RIPOR2: variants seen among roughly 807,000 people sequenced by gnomAD.
RIPOR2 encodes rho family-interacting cell polarization regulator 2.
In RIPOR2, 39 loss-of-function variants were observed where a neutral mutation model predicts 114.5. That is an observed-to-expected ratio of 0.34 (90% CI 0.26 to 0.44). RIPOR2 has a LOEUF of 0.44. Ranked by LOEUF, RIPOR2 falls within the 20% of genes least tolerant of loss-of-function variation. RIPOR2 has a pLI of 1.00. For missense variants in RIPOR2, 1,007 were observed against 1,255.1 expected, an observed-to-expected ratio of 0.80 and a Z score of 2.99; for synonymous variants, 445 against 484.4, an observed-to-expected ratio of 0.92 and a Z score of 1.07.
chr6:24,905,882 C>G (rs1344635706), intron 1 of RIPOR2, among the ~76,000 whole-genome samples: 1 of 152,160 alleles, frequency 6.6e-6, no homozygotes, highest in Non-Finnish European at 1.5e-5. Context: ...CAGAAGGAGA[C>G]AAGCTTGAAG....
chr6:24,869,464 C>T (rs1380999739), intron 5 of RIPOR2, among the ~76,000 whole-genome samples: 1 of 151,824 alleles, frequency 6.6e-6, no homozygotes, highest in Non-Finnish European at 1.5e-5. Flanking sequence ...ATTACAGGTG[C>T]CCGCCACCAT....
rs1765079691 is a variant in RIPOR2, at chr6:24,870,740, C to T, written c.447+126G>A. The T allele has an allele frequency of 6.2e-6, 4 of 647,334 alleles. No homozygotes were observed. In the East Asian group the frequency reaches 8.7e-5, roughly 14 times the overall value. The allele number at this position is 647,334 out of a possible 1,614,324, so 40.1% of individuals were successfully genotyped here. A position where few individuals can be genotyped will look rare whatever the true frequency, so the allele number is the denominator to read the frequency against. ...CATTGCCCAGGCAGGTCTCAAACTC[C>T]TAAGCTCAAGTGATCCACCCACCTC... On this transcript the variant is annotated intron_variant, in intron 5 of 21. Coordinates refer to ENST00000643898, the MANE Select transcript of RIPOR2 (RefSeq NM_001286445.3).
intron 1 of RIPOR2, among the ~76,000 whole-genome samples, chr6:24,904,933 C>T (rs991058992): frequency 1.3e-5 from 2 of 152,108 alleles, no homozygotes; most frequent in African/African-American, 4.8e-5. Flanking sequence ...TACCACCGTG[C>T]CCAGCTAATT....
In RIPOR2 at chr6:24,987,960, T is replaced by C. The variant is rs1774608896; in HGVS notation, c.76+53891A>G. Among the ~76,000 whole-genome samples the C allele has an allele frequency of 2.6e-5, 4 of 152,338 alleles. No homozygotes were observed. The South Asian group carries it at 8.3e-4, about 32-fold the overall frequency. ...AAGGGGCCTTGCTACAAACTGCAGC[T>C]CTAAAATTGTTTTAGAAGAAGCATC... is the stretch of plus-strand genomic sequence containing the variant. On this transcript the variant is annotated intron_variant, in intron 1 of 13. Coordinates refer to the RIPOR2 transcript ENST00000510784.
At chr6:24,985,894 A>G (rs2113600634) in intron 1 of RIPOR2, among the ~76,000 whole-genome samples, 1 of 152,362 alleles carries the variant, frequency 6.6e-6, no homozygotes, top group East Asian at 1.9e-4. Flanking sequence ...CCAGGGGTAT[A>G]GAAAGACTGG....
intron 1 of RIPOR2, among the ~76,000 whole-genome samples, chr6:24,886,186 A>G (rs933151928): frequency 6.6e-6 from 1 of 152,184 alleles, no homozygotes; most frequent in Non-Finnish European, 1.5e-5. Context: ...TAATTTGCAC[A>G]TATGTATTTA....
chr6:24,842,816 A>G, intron 13 of RIPOR2, 46 bp downstream of exon 13: 2 of 1,167,970 alleles, frequency 1.7e-6, no homozygotes, highest in East Asian at 5.3e-5. Flanking sequence ...TTGGCTTAGG[A>G]CACCTCTCTC....
At chr6:24,862,379 A>G (rs1764149806) in intron 7 of RIPOR2, among the ~76,000 whole-genome samples, 1 of 152,224 alleles carries the variant, frequency 6.6e-6, no homozygotes, top group Admixed American at 6.5e-5. Context: ...GGCCAGCTTG[A>G]TTAGTGCAGG....
chr6:24,822,169 G>A (rs1759761025), intron 19 of RIPOR2, among the ~76,000 whole-genome samples: 1 of 152,190 alleles, frequency 6.6e-6, no homozygotes, highest in Admixed American at 6.5e-5. Context: ...TTGTGCTGAA[G>A]TTCATCTACT....
rs200213788 is a variant in RIPOR2 at position 24,863,898 on chromosome 6, A to G, written c.651+1403T>C. Reference sequence around the variant, plus strand: ...GCAGCAGCATAGAACTATGTCACATATTTGACTTTTGAAATATTTTGAAAA... The same window carrying G: ...GCAGCAGCATAGAACTATGTCACATGTTTGACTTTTGAAATATTTTGAAAA... On this transcript the variant is annotated intron_variant, in intron 7 of 21. Transcript: ENST00000643898. 5.9e-5 allele frequency among the ~76,000 whole-genome samples: 9 copies of G among 152,348 alleles called. No homozygotes were observed. The East Asian group carries it at 1.7e-3, about 29-fold the overall frequency.
At chr6:24,979,266 G>A in intron 1 of RIPOR2, among the ~76,000 whole-genome samples, 1 of 143,144 alleles carries the variant, frequency 7.0e-6, no homozygotes. Context: ...ATAGTTGCTT[G>A]AAATGATAGG....
At chr6:24,852,724 C>A in intron 8 of RIPOR2, 106 bp from the exon 9 acceptor site, 1 of 819,764 alleles carries the variant, frequency 1.2e-6, no homozygotes, top group Non-Finnish European at 1.9e-6. Context: ...GAACTTTGTG[C>A]AAACTCACAT....
intron 1 of RIPOR2, among the ~76,000 whole-genome samples, chr6:24,953,320 C>G (rs997945498): frequency 3.1e-5 from 3 of 97,016 alleles, no homozygotes; most frequent in Non-Finnish European, 6.5e-5. Flanking sequence ...GCAACAAGAG[C>G]AAAACTCTGC....
At chr6:24,889,286 G>A (rs542771953) in intron 1 of RIPOR2, among the ~76,000 whole-genome samples, 31 of 152,244 alleles carry the variant, frequency 2.0e-4, no homozygotes, top group Non-Finnish European at 4.1e-4. Flanking sequence ...TATGTGGGAA[G>A]ATACAAATTA....
chr6:24,961,602 G>C (rs1773311136), intron 1 of RIPOR2, among the ~76,000 whole-genome samples: 1 of 150,048 alleles, frequency 6.7e-6, no homozygotes, highest in South Asian at 2.1e-4. Flanking sequence ...TTTATTTTGT[G>C]CTTACTTTGG....
At chr6:25,032,718 A>G (rs1167248323) in intron 1 of RIPOR2, among the ~76,000 whole-genome samples, 1 of 152,170 alleles carries the variant, frequency 6.6e-6, no homozygotes, top group African/African-American at 2.4e-5. Context: ...TTCCCAACCA[A>G]TACAATCCGC....
chr6:24,923,067 G>A (rs377040133), intron 1 of RIPOR2, among the ~76,000 whole-genome samples: 4 of 152,024 alleles, frequency 2.6e-5, no homozygotes, highest in African/African-American at 4.8e-5. Flanking sequence ...GGCAACCACC[G>A]TCTATTTATT....
rs1581578661 is a variant in RIPOR2 at position 24,847,436 on chromosome 6, A to G, written c.1164+589T>C. 3 of 1,193,680 alleles carry G rather than the reference A, an allele frequency of 2.5e-6. 1 individual carries two copies. In the South Asian group the frequency reaches 4.4e-5, roughly 18 times the overall value. The allele number at this position is 1,193,680 out of a possible 1,614,324, so 73.9% of individuals were successfully genotyped here. ...CCCCAAGGACAGTACAGCTGTAACC[A>G]TACCCAGTGAGCAAGACAGAGAAGA... On this transcript the variant is annotated intron_variant, in intron 12 of 21. Transcript: ENST00000643898.
chr6:24,920,173 G>T (rs192040508), intron 1 of RIPOR2, among the ~76,000 whole-genome samples: 1 of 152,336 alleles, frequency 6.6e-6, no homozygotes, highest in African/African-American at 2.4e-5. Flanking sequence ...GAAAAAGGGA[G>T]GGAGCTGAGC....
Sources: allele counts gnomAD v4.1 joint callset (sites outside exome capture counted in the v4.1 genomes callset), GRCh38; gene constraint gnomAD v4.1.1; transcripts MANE v1.5; gene names NCBI Gene and HGNC (gene_info 2026-07-23, HGNC 2026-07-21).